PABPC4L: variants seen among roughly 807,000 people sequenced by gnomAD.
The protein encoded by PABPC4L is poly(A) binding protein cytoplasmic 4 like, also known as polyadenylate-binding protein 4-like.
For missense variants in PABPC4L, 452 were observed against 451.4 expected, an observed-to-expected ratio of 1.00 and a Z score of -0.01; for synonymous variants, 169 against 164.1, an observed-to-expected ratio of 1.03 and a Z score of -0.23.
chr4:134,187,025 T>C, the PABPC4L span, among the ~76,000 whole-genome samples: 4 of 152,018 alleles, frequency 2.6e-5, no homozygotes, highest in Non-Finnish European at 5.9e-5. Flanking sequence ...ATGGCAATCA[T>C]TAAACAGTCA....
At chr4:133,960,155 G>A in the PABPC4L span, among the ~76,000 whole-genome samples, 1 of 152,110 alleles carries the variant, frequency 6.6e-6, no homozygotes, top group Admixed American at 6.5e-5. Flanking sequence ...ATGACTGTAG[G>A]AATAAATGGG....
the PABPC4L span, among the ~76,000 whole-genome samples, chr4:133,972,262 A>G: frequency 5.3e-5 from 8 of 152,184 alleles, no homozygotes; most frequent in African/African-American, 1.9e-4. Flanking sequence ...AGGGGTGATT[A>G]AAGCAAATAT....
At chr4:134,085,741 A>G in the PABPC4L span, among the ~76,000 whole-genome samples, 2 of 152,070 alleles carry the variant, frequency 1.3e-5, no homozygotes, top group East Asian at 1.9e-4. Context: ...ATGTTGTTTC[A>G]TATGTTTATT....
At chr4:133,973,751 G>A in the PABPC4L span, among the ~76,000 whole-genome samples, 4 of 152,096 alleles carry the variant, frequency 2.6e-5, no homozygotes, top group Non-Finnish European at 5.9e-5. Flanking sequence ...TGTTAACAAT[G>A]CATATACAAC....
At chr4:134,070,094 G>GGCTCA in the PABPC4L span, among the ~76,000 whole-genome samples, 1 of 149,506 alleles carries the variant, frequency 6.7e-6, no homozygotes, top group Admixed American at 6.8e-5. Flanking sequence ...AGGGGGCCAA[G>GGCTCA]GCTCAGCTCA....
chr4:134,047,217 G>T, the PABPC4L span, among the ~76,000 whole-genome samples: 1 of 152,118 alleles, frequency 6.6e-6, no homozygotes, highest in East Asian at 1.9e-4. Context: ...TGCAGTGGTG[G>T]TTCAGAAAAG....
the PABPC4L span, among the ~76,000 whole-genome samples, chr4:133,983,192 A>C: frequency 6.6e-6 from 1 of 152,122 alleles, no homozygotes; most frequent in African/African-American, 2.4e-5. Context: ...TCTCAAACCT[A>C]ATTTTCCAAA....
the PABPC4L span, among the ~76,000 whole-genome samples, chr4:134,071,793 A>C: frequency 6.6e-6 from 1 of 152,184 alleles, no homozygotes; most frequent in African/African-American, 2.4e-5. Context: ...ATTTAGAAAA[A>C]TCTTGTAGAA....
At chr4:134,045,295 T>C in the PABPC4L span, among the ~76,000 whole-genome samples, 1 of 152,154 alleles carries the variant, frequency 6.6e-6, no homozygotes, top group Non-Finnish European at 1.5e-5. Context: ...GATCACATTA[T>C]TCATTACCTT....
the PABPC4L span, among the ~76,000 whole-genome samples, chr4:134,013,581 G>A: frequency 6.6e-6 from 1 of 152,020 alleles, no homozygotes; most frequent in African/African-American, 2.4e-5. Context: ...GCCAGAAAAT[G>A]GCACTTTCAA....
chr4:134,050,981 G>A, the PABPC4L span, among the ~76,000 whole-genome samples: 1 of 150,814 alleles, frequency 6.6e-6, no homozygotes, highest in South Asian at 2.1e-4. Context: ...TTATATTTTG[G>A]GACATATTTT....
chr4:134,107,784 G>A, the PABPC4L span, among the ~76,000 whole-genome samples: 3 of 151,446 alleles, frequency 2.0e-5, 1 homozygote, highest in South Asian at 2.1e-4. Context: ...TCTCAATTCC[G>A]TGTGTTCAAT....
the PABPC4L span, among the ~76,000 whole-genome samples, chr4:134,123,614 G>A: frequency 6.6e-6 from 1 of 151,956 alleles, no homozygotes. Flanking sequence ...AGACTATACA[G>A]GAATTCCTGT....
the PABPC4L span, among the ~76,000 whole-genome samples, chr4:134,156,709 T>C: frequency 1.3e-5 from 2 of 151,960 alleles, no homozygotes; most frequent in South Asian, 2.1e-4. Context: ...ATTTCAGTAA[T>C]AAAGTCTGCA....
the PABPC4L span, among the ~76,000 whole-genome samples, chr4:133,970,804 C>T: frequency 6.6e-6 from 1 of 152,128 alleles, no homozygotes; most frequent in African/African-American, 2.4e-5. Flanking sequence ...TCTCTCACCC[C>T]TTCTGCTATG....
the PABPC4L span, among the ~76,000 whole-genome samples, chr4:134,121,155 C>G: frequency 6.6e-6 from 1 of 151,152 alleles, no homozygotes; most frequent in African/African-American, 2.4e-5. Flanking sequence ...ATTCTCAATT[C>G]TTTATGATCT....
At chr4:133,986,498 G>T in the PABPC4L span, among the ~76,000 whole-genome samples, 1 of 151,862 alleles carries the variant, frequency 6.6e-6, no homozygotes, top group African/African-American at 2.4e-5. Flanking sequence ...ACAATGAGAA[G>T]AAAATAAGAG....
At chr4:134,138,844 G>T in the PABPC4L span, among the ~76,000 whole-genome samples, 5 of 151,832 alleles carry the variant, frequency 3.3e-5, no homozygotes, top group East Asian at 1.9e-4. Context: ...TTCTGAATCA[G>T]CTTTGTGCTC....
the PABPC4L span, among the ~76,000 whole-genome samples, chr4:133,954,174 T>A: frequency 2.0e-5 from 3 of 152,350 alleles, no homozygotes; most frequent in Admixed American, 1.3e-4. Context: ...TTTCTCTTCC[T>A]CTGGCCTTCC....
Sources: allele counts gnomAD v4.1 joint callset (sites outside exome capture counted in the v4.1 genomes callset), GRCh38; gene constraint gnomAD v4.1.1; transcripts MANE v1.5; gene names NCBI Gene and HGNC (gene_info 2026-07-23, HGNC 2026-07-21).